CACNA1B: variants seen among roughly 807,000 people sequenced by gnomAD.
CACNA1B encodes calcium voltage-gated channel subunit alpha1 B, also known as voltage-dependent N-type calcium channel subunit alpha-1B.
CACNA1B carries 70 observed loss-of-function variants against 247.2 expected under a neutral mutation model. That is an observed-to-expected ratio of 0.28 (90% CI 0.23 to 0.35). The LOEUF (loss-of-function observed/expected upper bound fraction) is 0.35, where lower values mean the gene tolerates loss of function less well. Among genes scored for constraint, CACNA1B ranks in the 10% least tolerant of loss-of-function variants. The probability of loss-of-function intolerance (pLI) is 1.00; values close to 1 mark genes in which losing one functional copy is unlikely to be tolerated. For missense variants in CACNA1B, 2,367 were observed against 3,197.4 expected (o/e 0.74, Z 6.26); for synonymous variants, 1,231 against 1,294.4 (o/e 0.95, Z 1.05).
rs531923867 is a variant in CACNA1B at position 137,882,141 on chromosome 9, G to A, written c.391-603G>A. Reference sequence around the variant, plus strand: ...ATGTGCATGTTCTGGTTACCCGGGTGCATGTTGAATGCATAAACGGGGCCT... The same window carrying A: ...ATGTGCATGTTCTGGTTACCCGGGTACATGTTGAATGCATAAACGGGGCCT... On this transcript the variant is annotated intron_variant, in intron 2 of 46. Coordinates refer to ENST00000371372, the MANE Select transcript of CACNA1B (RefSeq NM_000718.4). The surrounding 1 kb of genome is among the most constrained non-coding windows in gnomAD (Gnocchi z 4.0). 3.3e-5 allele frequency among the ~76,000 whole-genome samples: 5 copies of A among 152,294 alleles called. No individual in the cohort carries two copies. The East Asian group carries it at 7.7e-4, about 24-fold the overall frequency.
Position 138,038,098 on chromosome 9 carries a change from C to A in CACNA1B, c.3287-5676C>A, listed in dbSNP as rs781269583. ...AGTTTTCAAAATAATGAATCAATGC[C>A]CTATTAACAAATAGGACCAGTGAGA... On this transcript the variant is annotated intron_variant, in intron 20 of 46. Transcript: ENST00000371372. Among the ~76,000 whole-genome samples, 3 of 151,998 alleles carry A rather than the reference C, an allele frequency of 2.0e-5. No homozygotes were observed. In the South Asian group the frequency reaches 6.2e-4, roughly 32 times the overall value.
At chr9:138,074,186 T>C (rs999643110) in intron 34 of CACNA1B, 120 bp downstream of exon 34, 3 of 776,702 alleles carry the variant, frequency 3.9e-6, no homozygotes, top group Non-Finnish European at 6.9e-6. Context: ...GAACATTCTC[T>C]GTGAGCCAGA....
At chr9:137,998,975 A>C (rs571824761) in intron 15 of CACNA1B, among the ~76,000 whole-genome samples, 2 of 152,300 alleles carry the variant, frequency 1.3e-5, no homozygotes, top group South Asian at 4.2e-4. Context: ...GCAGACTTTG[A>C]CCATTTATTA....
At chr9:138,040,640 C>A in intron 20 of CACNA1B, 1 of 404,630 alleles carries the variant, frequency 2.5e-6, no homozygotes, top group Non-Finnish European at 5.0e-6. Flanking sequence ...GGGCAGGAAG[C>A]GTCCAGCACG....
chr9:137,944,133 C>G (rs937355413), intron 6 of CACNA1B, among the ~76,000 whole-genome samples: 2 of 152,132 alleles, frequency 1.3e-5, no homozygotes, highest in Non-Finnish European at 2.9e-5. Context: ...TTTTTGCTTG[C>G]CATTTTTCTT....
chr9:137,975,038 C>G (rs933833800), intron 11 of CACNA1B, among the ~76,000 whole-genome samples: 1 of 152,174 alleles, frequency 6.6e-6, no homozygotes. Flanking sequence ...CCTCCTGCTG[C>G]CTGTGGCCTC....
intron 38 of CACNA1B, among the ~76,000 whole-genome samples, chr9:138,105,025 G>A (rs1406813105): frequency 1.3e-5 from 2 of 152,244 alleles, no homozygotes; most frequent in Non-Finnish European, 1.5e-5. Context: ...ACTCTGAAGT[G>A]TAGCAGCCTC....
chr9:137,960,545 G>A (rs1235391193), intron 10 of CACNA1B, among the ~76,000 whole-genome samples: 1 of 144,694 alleles, frequency 6.9e-6, no homozygotes, highest in East Asian at 2.1e-4. Context: ...AGAGAGGGGA[G>A]GTCAGGGGAG....
At chr9:137,980,634 C>A (rs1958283132) in intron 12 of CACNA1B, among the ~76,000 whole-genome samples, 1 of 152,170 alleles carries the variant, frequency 6.6e-6, no homozygotes, top group African/African-American at 2.4e-5. Flanking sequence ...GAGCATAGTA[C>A]CCGGAAGATA....
intron 12 of CACNA1B, among the ~76,000 whole-genome samples, chr9:137,978,442 C>T (rs1009636030): frequency 2.0e-5 from 3 of 149,732 alleles, no homozygotes; most frequent in Admixed American, 6.6e-5. Context: ...ACTGCCCCCC[C>T]GAGAAAGGAG....
Position 137,955,085 on chromosome 9 carries a change from G to A in CACNA1B, c.1071-613G>A, listed in dbSNP as rs1193687890. ...AGATGTCGGGGGCCAATGACAGAAG[G>A]TCTCCTCTCCTGCTCACTGTGAGCC... On this transcript the variant is annotated intron_variant, in intron 7 of 46. Transcript: ENST00000371372. This position sits in a 1 kb window ranked among gnomAD's most constrained non-coding sequence, Gnocchi z 6.9. Among the ~76,000 whole-genome samples, 1 of 152,140 alleles carries A rather than the reference G, an allele frequency of 6.6e-6. No individual in the cohort carries two copies. The highest frequency in any genetic ancestry group is 2.4e-5 in the African/African-American group (1 of 41,512).
rs113266870 is a variant in CACNA1B, at chr9:137,956,433, G to A, written c.1187-338G>A. ...AGCACTTTGGGAGGCCGAGGTGGGC[G>A]GATCACCTGAGGTCAGGAGTTCAAG... On this transcript the variant is annotated intron_variant, in intron 8 of 46. Coordinates refer to ENST00000371372, the MANE Select transcript of CACNA1B (RefSeq NM_000718.4). 8.0e-3 allele frequency among the ~76,000 whole-genome samples: 1,213 copies of A among 152,248 alleles called. 6 individuals carry two copies. The highest frequency in any genetic ancestry group is 0.012 in the South Asian group (60 of 4,828).
At position 137,879,738 on chromosome 9, in the gene CACNA1B, T is replaced by C. The variant is rs1367219782; in HGVS notation, c.390+579T>C. 4.6e-5 allele frequency among the ~76,000 whole-genome samples: 7 copies of C among 152,196 alleles called. No homozygotes were observed. In the East Asian group the frequency reaches 1.2e-3, roughly 25 times the overall value. ...CCCCGTGGTAGCCCCCATTGGAGCA[T>C]AGAGTCTGTGTGAGTCAGGGTGCCA... On this transcript the variant is annotated intron_variant, in intron 2 of 46. Transcript: ENST00000371372.
chr9:138,038,519 A>G (rs1231785981), intron 20 of CACNA1B, among the ~76,000 whole-genome samples: 1 of 152,216 alleles, frequency 6.6e-6, no homozygotes, highest in African/African-American at 2.4e-5. Flanking sequence ...AACCACGGGA[A>G]GTGCATGGGA....
chr9:137,999,898 G>A (rs2133400720), intron 15 of CACNA1B, among the ~76,000 whole-genome samples: 1 of 152,216 alleles, frequency 6.6e-6, no homozygotes, highest in Admixed American at 6.5e-5. Context: ...GACATTTGTT[G>A]TACAGATCAC....
intron 21 of CACNA1B, 69 bp from the exon 22 acceptor site, chr9:138,046,835 C>T (rs748550173): frequency 1.3e-4 from 192 of 1,519,262 alleles, no homozygotes; most frequent in Non-Finnish European, 1.6e-4. Flanking sequence ...ACGGGCTGAG[C>T]CTGCCCTGTG....
intron 6 of CACNA1B, among the ~76,000 whole-genome samples, chr9:137,942,922 G>A (rs1163950819): frequency 1.3e-5 from 2 of 152,074 alleles, no homozygotes; most frequent in Non-Finnish European, 2.9e-5. Flanking sequence ...AAGAACTTAC[G>A]CATGTAACCA....
Position 138,072,194 on chromosome 9 carries a change from C to G in CACNA1B, c.4675-1294C>G, listed in dbSNP as rs1339037577. ...ACTGGCCATGGATATCATTCAAAAC[C>G]AGTCCTGCTCCCACAGTTGCAGCAT... is the stretch of plus-strand genomic sequence containing the variant. On this transcript the variant is annotated intron_variant, in intron 32 of 46. Coordinates refer to ENST00000371372, the MANE Select transcript of CACNA1B (RefSeq NM_000718.4). The surrounding 1 kb of genome is among the most constrained non-coding windows in gnomAD (Gnocchi z 4.5). Among the ~76,000 whole-genome samples the G allele has an allele frequency of 1.3e-5, 2 of 152,234 alleles. No individual in the cohort carries two copies. The highest frequency in any genetic ancestry group is 2.9e-5 in the Non-Finnish European group (2 of 68,054).
intron 20 of CACNA1B, among the ~76,000 whole-genome samples, chr9:138,026,185 C>T (rs1000567187): frequency 6.6e-6 from 1 of 152,228 alleles, no homozygotes; most frequent in South Asian, 2.1e-4. Flanking sequence ...TGTGGACTGG[C>T]GCACAATTCC....
Sources: allele counts gnomAD v4.1 joint callset (sites outside exome capture counted in the v4.1 genomes callset), GRCh38; gene constraint gnomAD v4.1.1; non-coding constraint Gnocchi (gnomAD v3.1); transcripts MANE v1.5; gene names NCBI Gene and HGNC (gene_info 2026-07-23, HGNC 2026-07-21).